Variants in LRRC28 observed in about 807,000 individuals in gnomAD.
LRRC28 encodes leucine rich repeat containing 28.
Under a neutral mutation model 45.7 loss-of-function variants are expected in LRRC28, and 39 were observed. The ratio of observed to expected loss-of-function variants is 0.85; its 90% CI spans 0.66 to 1.12. The LOEUF is 1.12. LRRC28 is among the 50% of genes most tolerant of loss of function. The pLI, the probability that LRRC28 is intolerant of heterozygous loss-of-function variation, is 0.00. For synonymous variants in LRRC28, 206 were observed against 178.8 expected, an observed-to-expected ratio of 1.15 and a Z score of -1.22; for missense variants, 435 against 438.5, an observed-to-expected ratio of 0.99 and a Z score of 0.07.
chr15:99,281,649 G>T (rs1036657230), intron 3 of LRRC28, among the ~76,000 whole-genome samples: 5 of 152,050 alleles, frequency 3.3e-5, no homozygotes, highest in Non-Finnish European at 7.4e-5. Flanking sequence ...CTTTTTGATT[G>T]GATGGACCTT....
intron 9 of LRRC28, among the ~76,000 whole-genome samples, chr15:99,364,040 C>G (rs1295535338): frequency 6.6e-6 from 1 of 152,170 alleles, no homozygotes; most frequent in Non-Finnish European, 1.5e-5. Flanking sequence ...ACCCCTCTTT[C>G]CATGCCAAAA....
rs374018264 is a variant in LRRC28 at position 99,348,234 on chromosome 15, G to A, written c.593-4135G>A. Among the ~76,000 whole-genome samples, 6 of 152,104 alleles carry A rather than the reference G, an allele frequency of 3.9e-5. No individual in the cohort carries two copies. The East Asian group carries it at 5.8e-4, about 15-fold the overall frequency. Reference sequence around the variant, plus strand: ...TTCCCTGTCAGTAGGTTGCCTTTTCGTTTTGTTAATTGTTTTCTTTGCTGT... The same window carrying A: ...TTCCCTGTCAGTAGGTTGCCTTTTCATTTTGTTAATTGTTTTCTTTGCTGT... On this transcript the variant is annotated intron_variant, in intron 6 of 9. Transcript: ENST00000301981.
chr15:99,379,718 C>T (rs1282485583), intron 9 of LRRC28, among the ~76,000 whole-genome samples: 1 of 152,192 alleles, frequency 6.6e-6, no homozygotes, highest in Admixed American at 6.5e-5. Flanking sequence ...TTAAATGTGT[C>T]CCAGAGATTC....
rs1029216978 is a variant in LRRC28, at chr15:99,337,491, G to A, written c.592+3362G>A. ...TTCTGCATGCACCATGCTAATGGCC[G>A]GTGTGGCTAAGGAGGTGGGCATCTC... On this transcript the variant is annotated intron_variant, in intron 6 of 9. Transcript: ENST00000301981. Among the ~76,000 whole-genome samples, 8 of 152,326 alleles carry A rather than the reference G, an allele frequency of 5.3e-5. No homozygotes were observed. In the South Asian group the frequency reaches 8.3e-4, roughly 16 times the overall value.
At chr15:99,288,077 T>C (rs2082006610) in intron 5 of LRRC28, 126 bp downstream of exon 5, 2 of 952,860 alleles carry the variant, frequency 2.1e-6, no homozygotes, top group Non-Finnish European at 2.9e-6. Context: ...TGTTTGAAGA[T>C]GAAACTAAAG....
intron 6 of LRRC28, among the ~76,000 whole-genome samples, chr15:99,337,164 T>C (rs1312768622): frequency 6.6e-6 from 1 of 152,344 alleles, no homozygotes; most frequent in Non-Finnish European, 1.5e-5. Context: ...ATTCCCCTAG[T>C]CATTGGCCAC....
chr15:99,343,655 A>G (rs1270576911), intron 6 of LRRC28, among the ~76,000 whole-genome samples: 1 of 152,190 alleles, frequency 6.6e-6, no homozygotes, highest in Non-Finnish European at 1.5e-5. Context: ...ATACTGAGCA[A>G]TTTTGCACAG....
At chr15:99,325,311 TAG>T (rs1181138314) in intron 5 of LRRC28, among the ~76,000 whole-genome samples, 1 of 152,228 alleles carries the variant, frequency 6.6e-6, no homozygotes, top group Non-Finnish European at 1.5e-5. Context: ...ACTTGTTTAT[TAG>T]TTCTAAGAGT....
chr15:99,279,929 T>C (rs368335993), intron 3 of LRRC28, among the ~76,000 whole-genome samples: 1 of 152,218 alleles, frequency 6.6e-6, no homozygotes, highest in East Asian at 1.9e-4. Context: ...ACATTTCCCC[T>C]GGCAATGTAT....
chr15:99,294,174 A>G (rs1477467117), intron 5 of LRRC28, among the ~76,000 whole-genome samples: 1 of 151,946 alleles, frequency 6.6e-6, no homozygotes, highest in Non-Finnish European at 1.5e-5. Context: ...AGGATTTTTT[A>G]TATTTACCCT....
At chr15:99,282,622 A>G (rs1163505836) in intron 3 of LRRC28, among the ~76,000 whole-genome samples, 1 of 152,202 alleles carries the variant, frequency 6.6e-6, no homozygotes, top group Non-Finnish European at 1.5e-5. Context: ...ACGATAACAT[A>G]CTGTCCAGAT....
In LRRC28 at chr15:99,374,652, A is replaced by T. The variant is rs189628178; in HGVS notation, c.1032-11378A>T. ...GTACTATGCTGACTAAGGTTGTGAA[A>T]ATAGACATCCTTGCCTTGTTCCAAT... On this transcript the variant is annotated intron_variant, in intron 9 of 9. Transcript: ENST00000301981. 2.6e-5 allele frequency among the ~76,000 whole-genome samples: 4 copies of T among 152,068 alleles called. No homozygotes were observed. In the East Asian group the frequency reaches 7.7e-4, roughly 29 times the overall value.
At chr15:99,363,521 T>C (rs1597437272) in intron 9 of LRRC28, 3 of 286,748 alleles carry the variant, frequency 1.0e-5, no homozygotes, top group East Asian at 1.3e-4. Context: ...TTTGTGAGAA[T>C]GTTTTCCTGC....
intron 2 of LRRC28, among the ~76,000 whole-genome samples, chr15:99,268,482 A>G (rs886572094): frequency 1.3e-5 from 2 of 152,182 alleles, no homozygotes; most frequent in Non-Finnish European, 2.9e-5. Context: ...ACTCAAAACC[A>G]TTGGTGTATG....
At chr15:99,369,616 A>G (rs1005404880) in intron 9 of LRRC28, among the ~76,000 whole-genome samples, 3 of 152,196 alleles carry the variant, frequency 2.0e-5, no homozygotes, top group African/African-American at 4.8e-5. Flanking sequence ...GATGAGGCCC[A>G]CCCACACTAT....
At chr15:99,371,749 A>G (rs1429591134) in intron 9 of LRRC28, among the ~76,000 whole-genome samples, 1 of 152,230 alleles carries the variant, frequency 6.6e-6, no homozygotes, top group Non-Finnish European at 1.5e-5. Context: ...ATAGTCTTCA[A>G]AAATTTAAGT....
intron 6 of LRRC28, among the ~76,000 whole-genome samples, chr15:99,338,723 T>C (rs1032651958): frequency 3.3e-5 from 5 of 152,242 alleles, no homozygotes; most frequent in African/African-American, 1.2e-4. Context: ...TGTAAGATTA[T>C]AGCCTCTTCA....
intron 5 of LRRC28, 72 bp from the exon 6 acceptor site, chr15:99,333,851 A>G: frequency 6.8e-7 from 1 of 1,462,834 alleles, no homozygotes; most frequent in East Asian, 2.3e-5. Flanking sequence ...TTAAACTGTT[A>G]TAATATTGAT....
At chr15:99,273,479 T>C (rs1245983529) in intron 2 of LRRC28, among the ~76,000 whole-genome samples, 12 of 152,142 alleles carry the variant, frequency 7.9e-5, no homozygotes, top group South Asian at 2.1e-4. Flanking sequence ...CCTCGTGATC[T>C]GCCCGCCTCG....
Sources: allele counts gnomAD v4.1 joint callset (sites outside exome capture counted in the v4.1 genomes callset), GRCh38; gene constraint gnomAD v4.1.1; transcripts MANE v1.5; gene names NCBI Gene and HGNC (gene_info 2026-07-23, HGNC 2026-07-21).